Variants in ATP8B4 observed in about 807,000 individuals in gnomAD.
ATP8B4 encodes ATPase phospholipid transporting 8B4 (putative), also known as probable phospholipid-transporting ATPase IM.
In ATP8B4, 133 loss-of-function variants were observed where a neutral mutation model predicts 145.6. The observed-to-expected ratio is 0.91, with a 90% CI of 0.79 to 1.05. The LOEUF (loss-of-function observed/expected upper bound fraction) is 1.05, where lower values mean the gene tolerates loss of function less well. ATP8B4 is among the 50% of genes least tolerant of loss of function. The pLI, the probability that ATP8B4 is intolerant of heterozygous loss-of-function variation, is 0.00. For missense variants in ATP8B4, 1,458 were observed against 1,425.2 expected, an observed-to-expected ratio of 1.02 and a Z score of -0.37; for synonymous variants, 507 against 492.9, an observed-to-expected ratio of 1.03 and a Z score of -0.38.
chr15:50,012,535 C>T (rs1479096871), intron 6 of ATP8B4, among the ~76,000 whole-genome samples: 1 of 152,116 alleles, frequency 6.6e-6, no homozygotes. Flanking sequence ...TCATCAATAA[C>T]CTTTACAATG....
At position 50,140,242 on chromosome 15, in the gene ATP8B4, T is replaced by C. The variant is rs538463160; in HGVS notation, c.-42-33234A>G. Among the ~76,000 whole-genome samples, 3 of 152,282 alleles carry C rather than the reference T, an allele frequency of 2.0e-5. No homozygotes were observed. In the South Asian group the frequency reaches 6.2e-4, roughly 32 times the overall value. On this transcript the variant is annotated intron_variant, in intron 1 of 3. Coordinates refer to the ATP8B4 transcript ENST00000558829. Reference sequence around the variant, plus strand: ...AGTACATTGAGCCATCACTGATATCTAGGAGCTCCCCCAGGGTAACCATGA... The same window carrying C: ...AGTACATTGAGCCATCACTGATATCCAGGAGCTCCCCCAGGGTAACCATGA...
At chr15:50,012,222 C>T (rs2048766421) in intron 6 of ATP8B4, among the ~76,000 whole-genome samples, 1 of 152,082 alleles carries the variant, frequency 6.6e-6, no homozygotes, top group African/African-American at 2.4e-5. Flanking sequence ...TTAATTTCTC[C>T]TAGAGACACC....
chr15:50,101,293 AGT>A (rs991701930), intron 2 of ATP8B4, among the ~76,000 whole-genome samples: 2 of 152,126 alleles, frequency 1.3e-5, no homozygotes, highest in African/African-American at 4.8e-5. Context: ...TGTGTGCTGA[AGT>A]ATTTGGGGTA....
intron 1 of ATP8B4, among the ~76,000 whole-genome samples, chr15:50,162,218 C>A (rs994487790): frequency 6.6e-6 from 1 of 151,860 alleles, no homozygotes; most frequent in Non-Finnish European, 1.5e-5. Context: ...TTATCCTTGA[C>A]CTTTGAAGTC....
At chr15:49,941,507 G>A (rs1207644523) in intron 14 of ATP8B4, among the ~76,000 whole-genome samples, 1 of 151,964 alleles carries the variant, frequency 6.6e-6, no homozygotes, top group East Asian at 1.9e-4. Flanking sequence ...GCAATTAACT[G>A]ATCAAAGAAA....
intron 16 of ATP8B4, 49 bp from the exon 17 acceptor site, chr15:49,923,543 T>A: frequency 7.7e-7 from 1 of 1,301,512 alleles, no homozygotes; most frequent in Non-Finnish European, 1.1e-6. Context: ...ACGTCATACA[T>A]CAAAATTAGA....
chr15:49,988,608 T>C (rs1377296458), intron 9 of ATP8B4, among the ~76,000 whole-genome samples: 1 of 152,076 alleles, frequency 6.6e-6, no homozygotes, highest in Non-Finnish European at 1.5e-5. Flanking sequence ...TTAATCAGAA[T>C]TCAAAAGAGC....
chr15:50,159,497 G>GTCCTC (rs2044483661), intron 1 of ATP8B4, among the ~76,000 whole-genome samples: 1 of 152,002 alleles, frequency 6.6e-6, no homozygotes, highest in South Asian at 2.1e-4. Flanking sequence ...CTCTTGTCTG[G>GTCCTC]TTGCTCTTAA....
intron 6 of ATP8B4, among the ~76,000 whole-genome samples, chr15:50,013,375 C>G (rs2048858621): frequency 6.6e-6 from 1 of 152,034 alleles, no homozygotes; most frequent in East Asian, 1.9e-4. Flanking sequence ...GACTCAGCAC[C>G]TTCAAACTTT....
At chr15:49,940,581 C>T (rs1567038173) in intron 14 of ATP8B4, among the ~76,000 whole-genome samples, 1 of 151,968 alleles carries the variant, frequency 6.6e-6, no homozygotes, top group East Asian at 1.9e-4. Context: ...TTTTAATCAA[C>T]AAACAAAATA....
intron 14 of ATP8B4, among the ~76,000 whole-genome samples, chr15:49,944,772 C>T (rs2042430142): frequency 6.6e-6 from 1 of 152,056 alleles, no homozygotes; most frequent in South Asian, 2.1e-4. Context: ...CATTCTGTGT[C>T]AAGGTAGCAC....
chr15:49,879,318 C>CA (rs1422337739), intron 24 of ATP8B4, 58 bp downstream of exon 24: 22 of 1,478,122 alleles, frequency 1.5e-5, no homozygotes, highest in Non-Finnish European at 1.6e-5. Context: ...TTAGAACCCA[C>CA]AAAAAACTAA....
chr15:49,898,792 G>A (rs971155179), intron 21 of ATP8B4, among the ~76,000 whole-genome samples: 2 of 152,184 alleles, frequency 1.3e-5, no homozygotes, highest in Admixed American at 6.6e-5. Context: ...GAAACCCAGA[G>A]AGGCCTGTGC....
At chr15:49,929,361 T>C (rs1032170323) in intron 16 of ATP8B4, among the ~76,000 whole-genome samples, 2 of 152,128 alleles carry the variant, frequency 1.3e-5, no homozygotes, top group African/African-American at 4.8e-5. Flanking sequence ...AAGAATTCAT[T>C]ATAAAGTTCA....
chr15:50,084,655 GA>G (rs2054776341), intron 2 of ATP8B4, among the ~76,000 whole-genome samples: 1 of 152,160 alleles, frequency 6.6e-6, no homozygotes, highest in Non-Finnish European at 1.5e-5. Flanking sequence ...TCAGCAGTCT[GA>G]AAAAGGTCTT....
At chr15:50,047,298 T>G in intron 4 of ATP8B4, 53 bp downstream of exon 4, 1 of 1,168,408 alleles carries the variant, frequency 8.6e-7, no homozygotes, top group South Asian at 1.3e-5. Context: ...TTTTTACAAT[T>G]TTATGAATAC....
chr15:49,891,723 T>C (rs1338326405), intron 23 of ATP8B4, among the ~76,000 whole-genome samples: 1 of 152,206 alleles, frequency 6.6e-6, no homozygotes, highest in Non-Finnish European at 1.5e-5. Flanking sequence ...TTTCATTATT[T>C]TGTTTTCTCT....
In ATP8B4 at chr15:49,971,924, T is replaced by C. The variant is rs555935291; in HGVS notation, c.1243+658A>G. Among the ~76,000 whole-genome samples, 10 of 152,252 alleles carry C rather than the reference T, an allele frequency of 6.6e-5. No homozygotes were observed. In the East Asian group the frequency reaches 1.9e-3, roughly 29 times the overall value. On this transcript the variant is annotated intron_variant, in intron 13 of 27. Transcript: ENST00000284509. ...AAGAAAATATGGCACATATACACCA[T>C]GAAATACTATTGCAGCCATAAAAAA...
At chr15:50,028,241 G>T (rs1245885288) in intron 6 of ATP8B4, among the ~76,000 whole-genome samples, 6 of 152,100 alleles carry the variant, frequency 3.9e-5, no homozygotes, top group African/African-American at 1.4e-4. Flanking sequence ...TACTTTCTAT[G>T]CTGTCTGCCT....
Sources: allele counts gnomAD v4.1 joint callset (sites outside exome capture counted in the v4.1 genomes callset), GRCh38; gene constraint gnomAD v4.1.1; transcripts MANE v1.5; gene names NCBI Gene and HGNC (gene_info 2026-07-23, HGNC 2026-07-21).